Variants in KAZN observed in about 807,000 individuals in gnomAD.
KAZN encodes kazrin, periplakin interacting protein.
In KAZN, 40 loss-of-function variants were observed where a neutral mutation model predicts 87.4. The ratio of observed to expected loss-of-function variants is 0.46; its 90% CI spans 0.36 to 0.60. The LOEUF (loss-of-function observed/expected upper bound fraction) is 0.60. Among genes scored for constraint, KAZN ranks in the 20% least tolerant of loss-of-function variants. The probability of loss-of-function intolerance (pLI) is 0.00; values close to 1 mark genes in which losing one functional copy is unlikely to be tolerated. For synonymous variants in KAZN, 466 were observed against 458.3 expected (o/e 1.02, Z -0.22); for missense variants, 898 against 1,073.9 (o/e 0.84, Z 2.29).
intron 1 of KAZN, among the ~76,000 whole-genome samples, chr1:14,049,331 G>A (rs1392515984): frequency 1.3e-5 from 2 of 151,886 alleles, no homozygotes; most frequent in Non-Finnish European, 2.9e-5. Context: ...TGGGGGGAGC[G>A]GGGAGGGATA....
intron 2 of KAZN, among the ~76,000 whole-genome samples, chr1:14,420,913 TCCACACCTCCCC>T (rs1557709934): frequency 5.9e-5 from 6 of 101,842 alleles, no homozygotes; most frequent in Admixed American, 1.1e-4. Context: ...ACACCTCCCC[TCCACACCTCCCC>T]GCAAGCAGAG....
At chr1:14,242,617 T>C (rs1190095906) in intron 2 of KAZN, among the ~76,000 whole-genome samples, 1 of 152,202 alleles carries the variant, frequency 6.6e-6, no homozygotes, top group African/African-American at 2.4e-5. Flanking sequence ...AAGCATACTA[T>C]TGCAGGAGAT....
Position 14,009,507 on chromosome 1 carries a change from C to A in KAZN, c.91+115751C>A, listed in dbSNP as rs1570515504. On this transcript the variant is annotated intron_variant, in intron 1 of 16. Transcript: ENST00000636203. ...CTGTTTTTCTTTGATAATAGCCATC[C>A]TAATGAGTGTGATAGCTCACTTAAT... Among the ~76,000 whole-genome samples, 3 of 152,276 alleles carry A rather than the reference C, an allele frequency of 2.0e-5. No homozygotes were observed. In the South Asian group the frequency reaches 6.2e-4, roughly 32 times the overall value.
In KAZN at chr1:14,599,291, G is replaced by C. The variant is rs1676757953; in HGVS notation, c.226+68G>C. On this transcript the variant is annotated intron_variant, in intron 1 of 14. Coordinates refer to ENST00000376030, the MANE Select transcript of KAZN (RefSeq NM_201628.3). The surrounding 1 kb of genome is among the most constrained non-coding windows in gnomAD (Gnocchi z 4.4). Reference sequence around the variant, plus strand: ...GCACGCCCGGCCTCGGAGGTGGCCGGGGACCCGGGGTCCCCCACACCCGGG... The same window carrying C: ...GCACGCCCGGCCTCGGAGGTGGCCGCGGACCCGGGGTCCCCCACACCCGGG... 1 of 1,273,678 alleles carries C rather than the reference G, an allele frequency of 7.9e-7. No individual in the cohort carries two copies. The highest frequency in any genetic ancestry group is 9.9e-7 in the Non-Finnish European group (1 of 1,011,506). 78.9% of individuals were successfully genotyped at this position (1,273,678 alleles called of 1,614,324 possible).
intron 2 of KAZN, among the ~76,000 whole-genome samples, chr1:14,508,622 C>T (rs943252747): frequency 6.6e-6 from 1 of 152,172 alleles, no homozygotes; most frequent in Non-Finnish European, 1.5e-5. Context: ...TCAGCAAGCC[C>T]ACATGACATC....
At chr1:14,588,492 A>G (rs750583562) in intron 2 of KAZN, among the ~76,000 whole-genome samples, 23 of 152,350 alleles carry the variant, frequency 1.5e-4, no homozygotes, top group Non-Finnish European at 1.9e-4. Flanking sequence ...AGTGATATGT[A>G]TGATCATTTC....
chr1:14,832,061 T>A (rs892239050), intron 1 of KAZN, among the ~76,000 whole-genome samples: 2 of 151,974 alleles, frequency 1.3e-5, no homozygotes, highest in Admixed American at 1.3e-4. Flanking sequence ...CCAGGCATGG[T>A]GGCAGGCACC....
At chr1:14,230,342 A>G (rs1267476644) in intron 2 of KAZN, among the ~76,000 whole-genome samples, 1 of 152,240 alleles carries the variant, frequency 6.6e-6, no homozygotes, top group African/African-American at 2.4e-5. Context: ...GGCACTGTCT[A>G]ACAGCCAGGC....
At chr1:14,095,522 C>T (rs530287887) in intron 1 of KAZN, among the ~76,000 whole-genome samples, 1 of 152,250 alleles carries the variant, frequency 6.6e-6, no homozygotes, top group East Asian at 1.9e-4. Flanking sequence ...TTTCTCTACT[C>T]CACAATGTCT....
intron 1 of KAZN, among the ~76,000 whole-genome samples, chr1:13,995,442 T>G (rs1420279588): frequency 3.9e-5 from 6 of 152,232 alleles, no homozygotes; most frequent in Non-Finnish European, 8.8e-5. Context: ...AAGATATGTT[T>G]ACAATAGCAT....
At chr1:14,082,999 TGGCTAACAC>T (rs1395420706) in intron 1 of KAZN, among the ~76,000 whole-genome samples, 1 of 152,244 alleles carries the variant, frequency 6.6e-6, no homozygotes, top group Non-Finnish European at 1.5e-5. Context: ...GAGACCATCC[TGGCTAACAC>T]GGTGAAACCC....
At chr1:14,555,677 A>G (rs1228763863) in intron 2 of KAZN, among the ~76,000 whole-genome samples, 3 of 152,194 alleles carry the variant, frequency 2.0e-5, no homozygotes, top group African/African-American at 7.2e-5. Context: ...AAAGCTAGCT[A>G]GTGATAAAAG....
intron 2 of KAZN, among the ~76,000 whole-genome samples, chr1:14,456,494 A>G (rs1282505559): frequency 6.6e-6 from 1 of 152,150 alleles, no homozygotes; most frequent in Non-Finnish European, 1.5e-5. Context: ...TCTGGCATGT[A>G]TAGATTTTTA....
At chr1:14,822,378 C>T (rs1346585075) in intron 1 of KAZN, among the ~76,000 whole-genome samples, 2 of 152,226 alleles carry the variant, frequency 1.3e-5, no homozygotes, top group South Asian at 2.1e-4. Context: ...CTTGTCTTCA[C>T]CAAGATTCTT....
chr1:15,064,685 A>G (rs149055930), intron 7 of KAZN, among the ~76,000 whole-genome samples: 261 of 152,340 alleles, frequency 1.7e-3, no homozygotes, highest in African/African-American at 6.0e-3. Flanking sequence ...TCTCCTGTCC[A>G]GGGCAAGTAC....
chr1:14,796,468 A>G (rs950490433), intron 1 of KAZN, among the ~76,000 whole-genome samples: 1 of 152,192 alleles, frequency 6.6e-6, no homozygotes, highest in South Asian at 2.1e-4. Context: ...CCCAGCTCTG[A>G]TTCCCAGTCT....
chr1:14,958,699 C>T (rs1663471243), intron 1 of KAZN, among the ~76,000 whole-genome samples: 1 of 152,228 alleles, frequency 6.6e-6, no homozygotes, highest in Admixed American at 6.5e-5. Context: ...TGCACCAGAC[C>T]TCCAGGGAAT....
intron 2 of KAZN, among the ~76,000 whole-genome samples, chr1:14,537,558 C>T (rs1175821117): frequency 6.6e-6 from 1 of 152,220 alleles, no homozygotes; most frequent in Admixed American, 6.5e-5. Flanking sequence ...ATCCCTGCCA[C>T]TCATTCTCAG....
chr1:14,785,966 A>G (rs925774875), intron 1 of KAZN, among the ~76,000 whole-genome samples: 1 of 152,162 alleles, frequency 6.6e-6, no homozygotes, highest in Non-Finnish European at 1.5e-5. Flanking sequence ...ACATCTCTGA[A>G]CTTGTTTCCT....
Sources: gnomAD v4.1 joint callset for allele counts (sites outside exome capture counted in the v4.1 genomes callset) on GRCh38, gnomAD v4.1.1 for gene constraint, Gnocchi (gnomAD v3.1) non-coding constraint, MANE v1.5 for transcripts, NCBI Gene and HGNC (gene_info 2026-07-23, HGNC 2026-07-21) for gene names.